XRCC6: variants seen among roughly 807,000 people sequenced by gnomAD.
The protein encoded by XRCC6 is X-ray repair cross complementing 6.
Under a neutral mutation model 65.7 loss-of-function variants are expected in XRCC6, and 5 were observed. The ratio of observed to expected loss-of-function variants is 0.08; its 90% CI spans 0.04 to 0.16. XRCC6 has a LOEUF of 0.16. XRCC6 is among the 10% of genes least tolerant of loss of function. The pLI is 1.00. For missense variants in XRCC6, 447 were observed against 738.1 expected, an observed-to-expected ratio of 0.61 and a Z score of 4.57; for synonymous variants, 270 against 270.6, an observed-to-expected ratio of 1.00 and a Z score of 0.02.
chr22:41,651,351 A>G (rs2067992736), intron 8 of XRCC6, among the ~76,000 whole-genome samples: 1 of 135,758 alleles, frequency 7.4e-6, no homozygotes, highest in African/African-American at 2.7e-5. Context: ...GAATGAAGAA[A>G]GTTAAACAGA....
At chr22:41,652,793 C>T (rs567073572) in intron 8 of XRCC6, among the ~76,000 whole-genome samples, 39 of 152,260 alleles carry the variant, frequency 2.6e-4, no homozygotes, top group African/African-American at 9.1e-4. Context: ...TCTGCCTCAG[C>T]CTCCCAAGTA....
Position 41,657,413 on chromosome 22 carries a change from A to G in XRCC6, c.1421+381A>G, listed in dbSNP as rs559691951. On this transcript the variant is annotated intron_variant, in intron 10 of 12. Transcript: ENST00000360079. ...AGTAATTCAAGTCATTCCCTCTCAC[A>G]TATATAATAGACCAACTCTCAGAGC... Among the ~76,000 whole-genome samples, 239 of 151,932 alleles carry G rather than the reference A, an allele frequency of 1.6e-3. 1 individual carries two copies. Among genetic ancestry groups the G allele is most frequent in the Non-Finnish European group, 3.0e-3 (207 of 67,968 alleles).
intron 3 of XRCC6, among the ~76,000 whole-genome samples, chr22:41,632,576 A>C (rs1053179666): frequency 2.0e-5 from 3 of 152,046 alleles, no homozygotes; most frequent in Non-Finnish European, 2.9e-5. Context: ...ACGCCACTGC[A>C]CTCCATCCTG....
intron 2 of XRCC6, among the ~76,000 whole-genome samples, chr22:41,622,892 C>T (rs780499975): frequency 1.3e-5 from 2 of 151,460 alleles, no homozygotes; most frequent in Non-Finnish European, 2.9e-5. Context: ...TTGCAGTGAG[C>T]CGAGATGGCG....
rs774400267 is a variant in XRCC6 at position 41,658,204 on chromosome 22, A to G, written c.1422-48A>G. ...AGGTGGTTTTATTCTAATTTTTTCA[A>G]TGTTTAAATTGTCATGTTTCAGTTG... On this transcript the variant is annotated intron_variant, in intron 10 of 12. Transcript: ENST00000360079. The G allele has an allele frequency of 3.4e-5, 54 of 1,591,550 alleles. No homozygotes were observed. The South Asian group carries it at 4.0e-4, about 12-fold the overall frequency.
rs750687474 is a variant in XRCC6, at chr22:41,653,554, G to A, written c.1155G>A (p.Leu385=). The change falls in exon 9 of 13, where the codon CTG becomes CTA. Residue 385 remains leucine, a synonymous_variant. Transcript: ENST00000360079. ...GGAGCTCAACCCTGTTCAGTGCTCT[G>A]CTCATCAAGTGTCTGGAGAAGGAGG... ...VIGSSTLFSA[L]LIKCLEKEVA... The A allele has an allele frequency of 4.3e-6, 7 of 1,613,396 alleles. No individual in the cohort carries two copies. In the Admixed American group the frequency reaches 1.0e-4, roughly 23 times the overall value.
At chr22:41,659,267 G>A (rs893171446) in intron 11 of XRCC6, among the ~76,000 whole-genome samples, 3 of 152,128 alleles carry the variant, frequency 2.0e-5, no homozygotes, top group Non-Finnish European at 4.4e-5. Context: ...AACGTTTTGA[G>A]CTAAACAGCC....
At chr22:41,640,755 C>T (rs973333081) in intron 6 of XRCC6, among the ~76,000 whole-genome samples, 1 of 152,154 alleles carries the variant, frequency 6.6e-6, no homozygotes, top group Admixed American at 6.5e-5. Flanking sequence ...GTCACCTCTT[C>T]ACCTGTCTTG....
intron 2 of XRCC6, among the ~76,000 whole-genome samples, chr22:41,622,945 GA>G (rs536296349): frequency 7.0e-4 from 93 of 133,192 alleles, no homozygotes; most frequent in Non-Finnish European, 6.7e-4. Context: ...ACTCTCTCAG[GA>G]AAAAAAAAAA....
At chr22:41,644,284 A>G (rs1412065234) in intron 6 of XRCC6, among the ~76,000 whole-genome samples, 1 of 152,226 alleles carries the variant, frequency 6.6e-6, no homozygotes, top group East Asian at 1.9e-4. Context: ...ATTGTGGTTA[A>G]GGAACATACT....
chr22:41,663,229 T>A (rs2068115617), intron 12 of XRCC6, among the ~76,000 whole-genome samples: 2 of 152,202 alleles, frequency 1.3e-5, no homozygotes, highest in Admixed American at 1.3e-4. Flanking sequence ...CTCAGCCTGC[T>A]GAGTAGCTGA....
intron 6 of XRCC6, among the ~76,000 whole-genome samples, chr22:41,644,627 AGAT>A (rs1187658673): frequency 1.3e-5 from 2 of 152,054 alleles, no homozygotes; most frequent in Non-Finnish European, 2.9e-5. Flanking sequence ...CTGGGACTGC[AGAT>A]GCACACCGCC....
chr22:41,639,474 C>G (rs1416281580), intron 6 of XRCC6, among the ~76,000 whole-genome samples: 1 of 150,766 alleles, frequency 6.6e-6, no homozygotes, highest in East Asian at 2.0e-4. Flanking sequence ...ACTGGGACCA[C>G]AGGCGTGTGC....
intron 12 of XRCC6, 136 bp from the exon 13 acceptor site, chr22:41,663,486 C>T (rs926796743): frequency 3.2e-6 from 3 of 940,532 alleles, no homozygotes; most frequent in Non-Finnish European, 3.2e-6. Flanking sequence ...TAAGTCTTCC[C>T]CATGGTGTCC....
chr22:41,650,672 T>A (rs1228462360), intron 7 of XRCC6, 51 bp from the exon 8 acceptor site: 1 of 1,579,364 alleles, frequency 6.3e-7, no homozygotes, highest in Admixed American at 1.7e-5. Flanking sequence ...CGAGTTATTT[T>A]GCATCTCCTC....
At chr22:41,638,927 T>C (rs2067842912) in intron 6 of XRCC6, among the ~76,000 whole-genome samples, 1 of 152,110 alleles carries the variant, frequency 6.6e-6, no homozygotes, top group Admixed American at 6.5e-5. Context: ...CTGCATACTT[T>C]TATATAACTG....
intron 3 of XRCC6, among the ~76,000 whole-genome samples, chr22:41,634,575 C>A (rs113297617): frequency 0.048 from 7,130 of 147,236 alleles, 581 homozygotes; most frequent in African/African-American, 0.17. Context: ...GATGGAGTCT[C>A]GCTCTGTTGC....
intron 6 of XRCC6, among the ~76,000 whole-genome samples, chr22:41,645,329 A>G (rs929836884): frequency 6.6e-6 from 1 of 151,972 alleles, no homozygotes; most frequent in Non-Finnish European, 1.5e-5. Flanking sequence ...ACAAAAAAAA[A>G]CAAACAAAAA....
At chr22:41,654,855 A>C (rs1042478954) in intron 9 of XRCC6, among the ~76,000 whole-genome samples, 1 of 152,222 alleles carries the variant, frequency 6.6e-6, no homozygotes, top group Non-Finnish European at 1.5e-5. Context: ...CAATACAGGT[A>C]GGAACAGTAA....
Sources: gnomAD v4.1 joint callset for allele counts (sites outside exome capture counted in the v4.1 genomes callset) on GRCh38, gnomAD v4.1.1 for gene constraint, MANE v1.5 for transcripts, NCBI Gene and HGNC (gene_info 2026-07-23, HGNC 2026-07-21) for gene names.